RAPGEF2: variants seen among roughly 807,000 people sequenced by gnomAD.
The protein encoded by RAPGEF2 is Rap guanine nucleotide exchange factor 2.
Under a neutral mutation model 186.7 loss-of-function variants are expected in RAPGEF2, and 54 were observed. The observed-to-expected ratio is 0.29, with a 90% CI of 0.23 to 0.36. The LOEUF (loss-of-function observed/expected upper bound fraction) is 0.36, where lower values mean the gene tolerates loss of function less well. Ranked by LOEUF, RAPGEF2 falls within the 10% of genes least tolerant of loss-of-function variation. The pLI is 1.00. For synonymous variants in RAPGEF2, 712 were observed against 705.9 expected (o/e 1.01, Z -0.14); for missense variants, 1,532 against 2,045.0 (o/e 0.75, Z 4.84).
intron 1 of RAPGEF2, among the ~76,000 whole-genome samples, chr4:159,131,658 C>G (rs1741125451): frequency 6.6e-6 from 1 of 150,498 alleles, no homozygotes; most frequent in Admixed American, 6.7e-5. Context: ...CTTTGGGAAC[C>G]TTGGGCTAGA....
intron 1 of RAPGEF2, among the ~76,000 whole-genome samples, chr4:159,132,979 CCT>C (rs1741276306): frequency 6.6e-6 from 1 of 151,800 alleles, no homozygotes; most frequent in Non-Finnish European, 1.5e-5. Flanking sequence ...CTCCCAGTTC[CCT>C]TCTGGTAGTG....
chr4:159,121,395 C>G (rs943751791), intron 1 of RAPGEF2, among the ~76,000 whole-genome samples: 1 of 151,780 alleles, frequency 6.6e-6, no homozygotes, highest in Middle Eastern at 3.4e-3. Flanking sequence ...TAGGGTCTTC[C>G]TCTGTCTGTT....
intron 1 of RAPGEF2, among the ~76,000 whole-genome samples, chr4:159,114,656 T>C (rs1163840792): frequency 6.6e-6 from 1 of 152,232 alleles, no homozygotes; most frequent in Non-Finnish European, 1.5e-5. Flanking sequence ...GATCACAATA[T>C]TTGTTATAAG....
At chr4:159,121,978 G>C (rs1739734963) in intron 1 of RAPGEF2, among the ~76,000 whole-genome samples, 1 of 137,598 alleles carries the variant, frequency 7.3e-6, no homozygotes, top group Admixed American at 7.9e-5. Context: ...GGCAGAGGTT[G>C]CAGTGAGGTG....
intron 1 of RAPGEF2, among the ~76,000 whole-genome samples, chr4:159,154,510 T>TA (rs1208808794): frequency 7.1e-6 from 1 of 141,516 alleles, no homozygotes; most frequent in Non-Finnish European, 1.5e-5. Context: ...ATCACCTTTT[T>TA]TTTTTTTTTA....
Position 159,245,112 on chromosome 4 carries a change from G to T in RAPGEF2, c.543+1321G>T, listed in dbSNP as rs1035180892. Among the ~76,000 whole-genome samples, 39 of 151,874 alleles carry T rather than the reference G, an allele frequency of 2.6e-4. 1 individual carries two copies. The highest frequency in any genetic ancestry group is 1.9e-4 in the East Asian group (1 of 5,196). ...GAACTTGGAATTGAATTTAAAATGC[G>T]CACTGAGTTATGATGTATACTTTAA... On this transcript the variant is annotated intron_variant, in intron 7 of 29. Transcript: ENST00000691494.
intron 7 of RAPGEF2, among the ~76,000 whole-genome samples, chr4:159,259,397 G>C (rs534937157): frequency 9.5e-4 from 145 of 152,160 alleles, no homozygotes; most frequent in South Asian, 1.4e-3. Context: ...TATGGACTTT[G>C]GTTGATGAAT....
At chr4:159,169,296 CTCT>C (rs1185807723) in intron 1 of RAPGEF2, among the ~76,000 whole-genome samples, 1 of 152,074 alleles carries the variant, frequency 6.6e-6, no homozygotes, top group African/African-American at 2.4e-5. Context: ...TTCTGCTGTT[CTCT>C]TGTTTTTAAA....
chr4:159,278,167 A>G (rs142937704), intron 7 of RAPGEF2, among the ~76,000 whole-genome samples: 3 of 152,314 alleles, frequency 2.0e-5, no homozygotes, highest in African/African-American at 7.2e-5. Flanking sequence ...ACATATGGTT[A>G]GCCAGTTTTC....
chr4:159,174,812 A>C lies in RAPGEF2; in HGVS notation c.70-11830A>C, dbSNP rs115386072. On this transcript the variant is annotated intron_variant, in intron 1 of 29. Transcript: ENST00000691494. ...TGCTCTGTTGCCCAGAATGGAGTGC[A>C]TTGGCACAGTGACAGCACACTGTAG... 5.2e-3 allele frequency among the ~76,000 whole-genome samples: 771 copies of C among 147,680 alleles called. 7 individuals carry two copies. The highest frequency in any genetic ancestry group is 0.018 in the African/African-American group (721 of 39,640).
chr4:159,342,553 A>ATTTTATTTTATATTATT (rs1554041228), intron 20 of RAPGEF2, among the ~76,000 whole-genome samples: 6 of 71,962 alleles, frequency 8.3e-5, no homozygotes, highest in Non-Finnish European at 1.2e-4. Flanking sequence ...TTTATTTTAT[A>ATTTTATTTTATATTATT]TTATTTTATT....
chr4:159,192,323 A>G (rs1358747181), intron 2 of RAPGEF2, among the ~76,000 whole-genome samples: 2 of 152,196 alleles, frequency 1.3e-5, no homozygotes, highest in African/African-American at 4.8e-5. Context: ...AGTACCAAAG[A>G]GAGCTGTTTC....
intron 19 of RAPGEF2, among the ~76,000 whole-genome samples, chr4:159,340,706 C>T (rs1400597500): frequency 1.4e-5 from 2 of 144,254 alleles, no homozygotes; most frequent in Admixed American, 6.9e-5. Context: ...CACACACACA[C>T]ATTTATGGAA....
chr4:159,179,676 G>T (rs897356440), intron 1 of RAPGEF2, among the ~76,000 whole-genome samples: 1 of 152,162 alleles, frequency 6.6e-6, no homozygotes, highest in Non-Finnish European at 1.5e-5. Context: ...AATGAAGGTT[G>T]AAACTTCTGT....
chr4:159,156,521 A>T (rs1292858219), intron 1 of RAPGEF2, among the ~76,000 whole-genome samples: 1 of 151,990 alleles, frequency 6.6e-6, no homozygotes, highest in Non-Finnish European at 1.5e-5. Context: ...TCTAGGGTAC[A>T]TGTGCACAAT....
intron 1 of RAPGEF2, among the ~76,000 whole-genome samples, chr4:159,145,250 T>TA (rs1742824402): frequency 6.6e-6 from 1 of 152,160 alleles, no homozygotes; most frequent in Admixed American, 6.5e-5. Context: ...GTTTGCCTAA[T>TA]ACAGTTGTCA....
chr4:159,351,324 G>A, intron 26 of RAPGEF2: 1 of 833,256 alleles, frequency 1.2e-6, no homozygotes, highest in Non-Finnish European at 1.8e-6. Context: ...TAAGCAGACT[G>A]TTCAGGGAGG....
chr4:159,179,206 T>A (rs77006731), intron 1 of RAPGEF2, among the ~76,000 whole-genome samples: 2 of 13,940 alleles, frequency 1.4e-4, no homozygotes, highest in African/African-American at 1.3e-3. Flanking sequence ...AATAGCTTAC[T>A]TTTTTTTCAG....
At chr4:159,317,806 TAA>T (rs554302293) in intron 9 of RAPGEF2, among the ~76,000 whole-genome samples, 1 of 148,808 alleles carries the variant, frequency 6.7e-6, no homozygotes, top group African/African-American at 2.5e-5. Flanking sequence ...ATAGGTGCTT[TAA>T]AAAAAAAAAT....
Sources: allele counts gnomAD v4.1 joint callset (sites outside exome capture counted in the v4.1 genomes callset), GRCh38; gene constraint gnomAD v4.1.1; transcripts MANE v1.5; gene names NCBI Gene and HGNC (gene_info 2026-07-23, HGNC 2026-07-21).